Variants in CIMIP5 observed in about 807,000 individuals in gnomAD.
The protein encoded by CIMIP5 is ciliary microtubule inner protein 5.
the CIMIP5 span, among the ~76,000 whole-genome samples, chr2:11,152,456 C>T: frequency 6.6e-6 from 1 of 152,192 alleles, no homozygotes; most frequent in African/African-American, 2.4e-5. Context: ...TCAGTTAGGT[C>T]TGATTTCTTT....
At chr2:11,153,437 C>A in the CIMIP5 span, among the ~76,000 whole-genome samples, 1 of 152,334 alleles carries the variant, frequency 6.6e-6, no homozygotes. Context: ...GGGCCCAGAT[C>A]CTGGCCAACC....
the CIMIP5 span, among the ~76,000 whole-genome samples, chr2:11,153,408 C>T: frequency 6.6e-6 from 1 of 152,190 alleles, no homozygotes; most frequent in Non-Finnish European, 1.5e-5. Context: ...GAGCAGTTCC[C>T]TCCTAAGGCT....
At chr2:11,148,732 C>CTTTTTTTTTTTTTTTTTTTTTTT in the CIMIP5 span, among the ~76,000 whole-genome samples, 2 of 35,540 alleles carry the variant, frequency 5.6e-5, no homozygotes, top group African/African-American at 1.1e-4. Flanking sequence ...AATGAAAACT[C>CTTTTTTTTTTTTTTTTTTTTTTT]TTTTTTTTTT....
At chr2:11,140,690 C>A in the CIMIP5 span, 1 of 541,624 alleles carries the variant, frequency 1.8e-6, no homozygotes, top group Non-Finnish European at 3.1e-6. Flanking sequence ...ACTCTTGTTT[C>A]AAGGAATGCA....
the CIMIP5 span, among the ~76,000 whole-genome samples, chr2:11,150,885 C>A: frequency 6.6e-5 from 10 of 150,660 alleles, no homozygotes; most frequent in East Asian, 9.7e-4. Flanking sequence ...AAAAAAAAAA[C>A]AAAAAACAAA....
chr2:11,140,188 C>G, the CIMIP5 span, among the ~76,000 whole-genome samples: 2,549 of 149,360 alleles, frequency 0.017, 82 homozygotes, highest in African/African-American at 0.058. Flanking sequence ...GAGATCGAGA[C>G]CACGGTGAAA....
chr2:11,143,207 A>C, the CIMIP5 span, among the ~76,000 whole-genome samples: 2 of 152,208 alleles, frequency 1.3e-5, no homozygotes, highest in Admixed American at 1.3e-4. Context: ...ACCATGGAGT[A>C]CAGTTCACAC....
the CIMIP5 span, among the ~76,000 whole-genome samples, chr2:11,141,179 A>G: frequency 8.2e-6 from 1 of 122,638 alleles, no homozygotes; most frequent in African/African-American, 3.2e-5. Flanking sequence ...CCCAGGCTGG[A>G]GTGCAGTGGT....
chr2:11,150,743 C>G, the CIMIP5 span, among the ~76,000 whole-genome samples: 2 of 152,000 alleles, frequency 1.3e-5, no homozygotes, highest in South Asian at 4.1e-4. Context: ...GGGAACCTGC[C>G]TCCCATTTTA....
the CIMIP5 span, among the ~76,000 whole-genome samples, chr2:11,147,883 C>T: frequency 0.17 from 26,227 of 152,076 alleles, 6,653 homozygotes; most frequent in African/African-American, 0.56. Flanking sequence ...GCAGTGAAGT[C>T]CCAAGGCCAG....
the CIMIP5 span, among the ~76,000 whole-genome samples, chr2:11,135,215 A>G: frequency 6.6e-6 from 1 of 152,180 alleles, no homozygotes; most frequent in African/African-American, 2.4e-5. Context: ...CATTCAAACC[A>G]TATCGGAGGG....
At chr2:11,140,140 C>A in the CIMIP5 span, among the ~76,000 whole-genome samples, 1 of 147,566 alleles carries the variant, frequency 6.8e-6, no homozygotes, top group Non-Finnish European at 1.5e-5. Flanking sequence ...GTAATCCCAG[C>A]ACTTTGGGAG....
the CIMIP5 span, among the ~76,000 whole-genome samples, chr2:11,147,158 T>C: frequency 6.6e-6 from 1 of 152,156 alleles, no homozygotes; most frequent in Non-Finnish European, 1.5e-5. Flanking sequence ...CCACATTGTG[T>C]CTTTTGCACG....
chr2:11,133,280 G>A, the CIMIP5 span: 28 of 1,282,238 alleles, frequency 2.2e-5, no homozygotes, highest in Non-Finnish European at 2.9e-5. Context: ...CTCAGGCACA[G>A]GTCTCTCTCT....
chr2:11,154,189 G>C, the CIMIP5 span, among the ~76,000 whole-genome samples: 1 of 152,100 alleles, frequency 6.6e-6, no homozygotes, highest in East Asian at 1.9e-4. Context: ...TGTTGCTCAG[G>C]CTGGTCTTGA....
At chr2:11,153,673 G>A in the CIMIP5 span, among the ~76,000 whole-genome samples, 8 of 152,298 alleles carry the variant, frequency 5.3e-5, no homozygotes, top group Admixed American at 2.0e-4. Context: ...TACGCTGGGC[G>A]CGGTGGCTCA....
the CIMIP5 span, among the ~76,000 whole-genome samples, chr2:11,153,781 G>T: frequency 3.9e-5 from 6 of 151,946 alleles, no homozygotes; most frequent in African/African-American, 1.4e-4. Flanking sequence ...AAAATTAGCC[G>T]GGAGTGGTGG....
the CIMIP5 span, among the ~76,000 whole-genome samples, chr2:11,138,690 G>A: frequency 6.6e-6 from 1 of 152,080 alleles, no homozygotes; most frequent in Non-Finnish European, 1.5e-5. Flanking sequence ...TGTCCTCACA[G>A]TAGTGAGTTC....
At chr2:11,149,754 C>A in the CIMIP5 span, among the ~76,000 whole-genome samples, 1 of 151,874 alleles carries the variant, frequency 6.6e-6, no homozygotes, top group Non-Finnish European at 1.5e-5. Flanking sequence ...TAAAAAAAGT[C>A]AATGTCATAA....
Sources: gnomAD v4.1 joint callset for allele counts (sites outside exome capture counted in the v4.1 genomes callset) on GRCh38, gnomAD v4.1.1 for gene constraint, MANE v1.5 for transcripts, NCBI Gene and HGNC (gene_info 2026-07-23, HGNC 2026-07-21) for gene names.